Variants in SPOCK1 observed in about 807,000 individuals in gnomAD.
SPOCK1 encodes the protein testican-1.
In SPOCK1, 23 loss-of-function variants were observed where a neutral mutation model predicts 55.3. That is an observed-to-expected ratio of 0.42 (90% CI 0.30 to 0.59). The LOEUF is 0.59. Among genes scored for constraint, SPOCK1 ranks in the 20% least tolerant of loss-of-function variants. The pLI is 0.22. For synonymous variants in SPOCK1, 226 were observed against 221.0 expected (o/e 1.02, Z -0.20); for missense variants, 499 against 552.5 (o/e 0.90, Z 0.97).
chr5:137,420,138 G>T (rs1419345759), intron 2 of SPOCK1, among the ~76,000 whole-genome samples: 2 of 152,188 alleles, frequency 1.3e-5, no homozygotes, highest in African/African-American at 4.8e-5. Context: ...GCATCCCAGG[G>T]ATGAAGCCCA....
chr5:137,395,725 A>G (rs557526956), intron 2 of SPOCK1, among the ~76,000 whole-genome samples: 1 of 152,336 alleles, frequency 6.6e-6, no homozygotes, highest in South Asian at 2.1e-4. Context: ...CTTGGAAGAG[A>G]TACAAGTCAG....
chr5:137,444,817 G>GCTGACCATT (rs1423165273), intron 2 of SPOCK1, among the ~76,000 whole-genome samples: 1 of 152,196 alleles, frequency 6.6e-6, no homozygotes, highest in Non-Finnish European at 1.5e-5. Flanking sequence ...ATCACCCTCT[G>GCTGACCATT]CTGACCATTC....
intron 5 of SPOCK1, among the ~76,000 whole-genome samples, chr5:137,107,914 A>C (rs1753397904): frequency 6.6e-6 from 1 of 152,226 alleles, no homozygotes; most frequent in Admixed American, 6.5e-5. Context: ...GGTTTCCCTG[A>C]TGATGATGGG....
chr5:137,357,941 C>G (rs139259821), intron 2 of SPOCK1, among the ~76,000 whole-genome samples: 11 of 151,968 alleles, frequency 7.2e-5, no homozygotes, highest in African/African-American at 2.4e-4. Context: ...TCCTAGGAAT[C>G]AAGAAATCAT....
intron 3 of SPOCK1, among the ~76,000 whole-genome samples, chr5:137,152,056 T>A (rs1406204950): frequency 6.6e-6 from 1 of 152,226 alleles, no homozygotes. Context: ...GAAGCCATCA[T>A]GACAAAGTTA....
chr5:137,475,462 A>C (rs1470955383), intron 2 of SPOCK1, among the ~76,000 whole-genome samples: 4 of 152,230 alleles, frequency 2.6e-5, no homozygotes, highest in African/African-American at 9.6e-5. Flanking sequence ...TAAAGTAAGA[A>C]ATTTTAATGC....
intron 3 of SPOCK1, among the ~76,000 whole-genome samples, chr5:137,230,662 T>A (rs985880493): frequency 6.6e-6 from 1 of 152,206 alleles, no homozygotes; most frequent in African/African-American, 2.4e-5. Flanking sequence ...GAAAATATTA[T>A]AATAGGACCT....
At chr5:137,426,064 C>A (rs1283143665) in intron 2 of SPOCK1, among the ~76,000 whole-genome samples, 3 of 152,008 alleles carry the variant, frequency 2.0e-5, no homozygotes, top group African/African-American at 7.2e-5. Flanking sequence ...TGGGCTCCAA[C>A]CCTGGCTTGG....
chr5:137,376,514 A>G (rs1337781186), intron 2 of SPOCK1, among the ~76,000 whole-genome samples: 1 of 152,218 alleles, frequency 6.6e-6, no homozygotes, highest in African/African-American at 2.4e-5. Flanking sequence ...CAAGGTCCTC[A>G]GCCGTAGAGC....
intron 6 of SPOCK1, among the ~76,000 whole-genome samples, chr5:137,022,292 T>C (rs1390478730): frequency 6.6e-6 from 1 of 152,126 alleles, no homozygotes; most frequent in African/African-American, 2.4e-5. Flanking sequence ...CCCCAATTCA[T>C]GTACTAGCTG....
intron 5 of SPOCK1, among the ~76,000 whole-genome samples, chr5:137,076,138 G>A (rs1010059362): frequency 1.3e-5 from 2 of 152,080 alleles, no homozygotes. Context: ...GCCCAGACCC[G>A]AAGGGCTCTC....
At position 137,281,957 on chromosome 5, in the gene SPOCK1, T is replaced by C. The variant is rs376733879; in HGVS notation, c.187-14902A>G. ...TGAACAGCTATGGCAGTTTTTTAAC[T>C]GGTAACTTTTCTTGATGTTTCTATT... On this transcript the variant is annotated intron_variant, in intron 2 of 10. Coordinates refer to ENST00000394945, the MANE Select transcript of SPOCK1 (RefSeq NM_004598.4). 4.5e-4 allele frequency among the ~76,000 whole-genome samples: 69 copies of C among 152,356 alleles called. 1 individual carries two copies. The highest frequency in any genetic ancestry group is 1.5e-3 in the African/African-American group (64 of 41,582).
Position 136,978,559 on chromosome 5 carries a change from A to C in SPOCK1, c.*95T>G, listed in dbSNP as rs2126956034. On this transcript the variant is annotated 3_prime_UTR_variant, in exon 11 of 11. Coordinates refer to ENST00000394945, the MANE Select transcript of SPOCK1 (RefSeq NM_004598.4). ...CGGGTATAGAGAGCAACAATGGAGA[A>C]GAGACCTTGGTGCCTTGGAGTCTTA... The C allele has an allele frequency of 3.8e-5, 51 of 1,354,544 alleles. No homozygotes were observed. The highest frequency in any genetic ancestry group is 4.7e-5 in the Non-Finnish European group (47 of 992,760). 83.9% of individuals were successfully genotyped at this position (1,354,544 alleles called of 1,614,324 possible).
Position 136,978,634 on chromosome 5 carries a change from T to C in SPOCK1, c.*20A>G. ...GACTTGCAATTTTGTGCAAAACTTG[T>C]GTCCTCTTTCTTGTGGGCACTACCA... On this transcript the variant is annotated 3_prime_UTR_variant, in exon 11 of 11. Coordinates refer to ENST00000394945, the MANE Select transcript of SPOCK1 (RefSeq NM_004598.4). The C allele has an allele frequency of 6.4e-7, 1 of 1,572,752 alleles. No individual in the cohort carries two copies. The highest frequency in any genetic ancestry group is 8.6e-7 in the Non-Finnish European group (1 of 1,162,422).
At chr5:137,449,315 T>C (rs1352483147) in intron 2 of SPOCK1, among the ~76,000 whole-genome samples, 1 of 152,194 alleles carries the variant, frequency 6.6e-6, no homozygotes. Context: ...CACAATAACT[T>C]TGACTCAAAA....
intron 2 of SPOCK1, among the ~76,000 whole-genome samples, chr5:137,376,654 G>T (rs1751324654): frequency 6.6e-6 from 1 of 152,112 alleles, no homozygotes; most frequent in Non-Finnish European, 1.5e-5. Context: ...TGAGGGAAAA[G>T]AATAAGCCTT....
chr5:137,054,375 A>G (rs1262195466), intron 6 of SPOCK1, among the ~76,000 whole-genome samples: 1 of 152,218 alleles, frequency 6.6e-6, no homozygotes, highest in East Asian at 1.9e-4. Context: ...TATATAATTG[A>G]AGGCAAATAA....
chr5:137,228,145 T>C (rs1351112714), intron 3 of SPOCK1, among the ~76,000 whole-genome samples: 3 of 152,204 alleles, frequency 2.0e-5, no homozygotes, highest in Non-Finnish European at 4.4e-5. Flanking sequence ...CCAGGACTCA[T>C]ACATGATACA....
intron 5 of SPOCK1, among the ~76,000 whole-genome samples, chr5:137,068,880 C>T (rs1752556800): frequency 6.6e-6 from 1 of 152,160 alleles, no homozygotes; most frequent in Non-Finnish European, 1.5e-5. Context: ...AGATCAAGAC[C>T]GGTGTGTAAT....
Sources: allele counts gnomAD v4.1 joint callset (sites outside exome capture counted in the v4.1 genomes callset), GRCh38; gene constraint gnomAD v4.1.1; transcripts MANE v1.5; gene names NCBI Gene and HGNC (gene_info 2026-07-23, HGNC 2026-07-21).